The following MAN1A1 variants were observed in gnomAD, a reference collection of about 807,000 sequenced individuals.
MAN1A1 encodes mannosidase alpha class 1A member 1.
Under a neutral mutation model 70.8 loss-of-function variants are expected in MAN1A1, and 29 were observed. The observed-to-expected ratio is 0.41, with a 90% CI of 0.31 to 0.56. The LOEUF is 0.56. Ranked by LOEUF, MAN1A1 falls within the 20% of genes least tolerant of loss-of-function variation. The pLI is 0.29. For missense variants in MAN1A1, 747 were observed against 841.3 expected, an observed-to-expected ratio of 0.89 and a Z score of 1.39; for synonymous variants, 349 against 330.1, an observed-to-expected ratio of 1.06 and a Z score of -0.62.
intron 2 of MAN1A1, among the ~76,000 whole-genome samples, chr6:119,319,336 AT>A (rs1276636966): frequency 6.6e-6 from 1 of 150,648 alleles, no homozygotes; most frequent in Non-Finnish European, 1.5e-5. Flanking sequence ...ATAGAGCCTG[AT>A]TTTTTTTCTT....
At chr6:119,188,341 G>T in intron 11 of MAN1A1, 64 bp downstream of exon 11, 1 of 1,408,152 alleles carries the variant, frequency 7.1e-7, no homozygotes, top group Non-Finnish European at 9.7e-7. Flanking sequence ...CTGATTTATG[G>T]GTATCACTGA....
At chr6:119,194,321 T>C (rs1773512235) in intron 8 of MAN1A1, among the ~76,000 whole-genome samples, 1 of 152,168 alleles carries the variant, frequency 6.6e-6, no homozygotes. Context: ...AAGAAGCTCC[T>C]CAGGTTCTTG....
At chr6:119,199,662 T>G (rs1009545784) in intron 8 of MAN1A1, among the ~76,000 whole-genome samples, 1 of 152,066 alleles carries the variant, frequency 6.6e-6, no homozygotes, top group Non-Finnish European at 1.5e-5. Flanking sequence ...ATCCCAACAC[T>G]TTGGGAGGCC....
intron 5 of MAN1A1, among the ~76,000 whole-genome samples, chr6:119,259,062 A>G (rs568183787): frequency 1.3e-5 from 2 of 152,314 alleles, no homozygotes; most frequent in South Asian, 2.1e-4. Context: ...GGAATAATAG[A>G]AGGATACTAG....
chr6:119,194,789 C>T (rs2064157), intron 8 of MAN1A1, among the ~76,000 whole-genome samples: 107,978 of 151,442 alleles, frequency 0.71, 40,660 homozygotes, highest in Non-Finnish European at 0.83. Context: ...ATCCACTACA[C>T]GTATTATCAA....
At chr6:119,297,769 T>G (rs1352543065) in intron 4 of MAN1A1, among the ~76,000 whole-genome samples, 3 of 139,950 alleles carry the variant, frequency 2.1e-5, no homozygotes, top group Non-Finnish European at 3.0e-5. Context: ...AGATGGAGTC[T>G]CGCTCTGTCG....
intron 2 of MAN1A1, among the ~76,000 whole-genome samples, chr6:119,325,159 A>G (rs1318569315): frequency 1.3e-5 from 2 of 152,190 alleles, no homozygotes; most frequent in South Asian, 4.1e-4. Context: ...AACTCCACAA[A>G]GTTGGGCCTA....
chr6:119,335,784 A>G (rs1008110381), intron 2 of MAN1A1, among the ~76,000 whole-genome samples: 4 of 152,218 alleles, frequency 2.6e-5, no homozygotes, highest in Non-Finnish European at 4.4e-5. Context: ...CCTAAACGAC[A>G]TGTGTTCTGG....
intron 3 of MAN1A1, among the ~76,000 whole-genome samples, chr6:119,302,945 A>G (rs1466625464): frequency 6.6e-6 from 1 of 152,122 alleles, no homozygotes; most frequent in Non-Finnish European, 1.5e-5. Flanking sequence ...AATGACATGG[A>G]GACTTCCTGT....
Position 119,273,031 on chromosome 6 carries a change from T to G in MAN1A1, c.897+17652A>C, listed in dbSNP as rs77746284. Among the ~76,000 whole-genome samples the G allele has an allele frequency of 5.9e-3, 898 of 152,220 alleles. 31 individuals are homozygous for G. The East Asian group carries it at 0.09, about 15-fold the overall frequency. ...AGTCATTTTCTTTATGAAACAGATG[T>G]CAGAAAGGGAAAAAGGTGACTTTCA... On this transcript the variant is annotated intron_variant, in intron 5 of 12. Transcript: ENST00000368468.
At chr6:119,341,456 C>T (rs1018819608) in intron 2 of MAN1A1, among the ~76,000 whole-genome samples, 1 of 152,134 alleles carries the variant, frequency 6.6e-6, no homozygotes, top group African/African-American at 2.4e-5. Flanking sequence ...CTTCTCAACA[C>T]CTAAGAAGCA....
At chr6:119,258,109 C>T (rs1002155008) in intron 5 of MAN1A1, among the ~76,000 whole-genome samples, 2 of 152,114 alleles carry the variant, frequency 1.3e-5, no homozygotes, top group African/African-American at 4.8e-5. Context: ...TGATTTCTAA[C>T]TGAATTTATG....
intron 6 of MAN1A1, among the ~76,000 whole-genome samples, chr6:119,225,360 C>T (rs1774480543): frequency 6.6e-6 from 1 of 151,716 alleles, no homozygotes; most frequent in Admixed American, 6.6e-5. Context: ...TGCCATTGAA[C>T]TCTAGCCTGA....
In MAN1A1 at chr6:119,349,692, G is replaced by A. The variant is rs983171367; in HGVS notation, c.-373C>T. ...CCCGGCGCGGCTCAGGTGGGCGAGCGCGCCGACCTGCGGGCGAATGGCAGC... is the reference window on the plus strand; with the variant it reads ...CCCGGCGCGGCTCAGGTGGGCGAGCACGCCGACCTGCGGGCGAATGGCAGC... On this transcript the variant is annotated 5_prime_UTR_variant, in exon 1 of 13. Transcript: ENST00000368468. 2 of 985,870 alleles carry A rather than the reference G, an allele frequency of 2.0e-6. No homozygotes were observed. The highest frequency in any genetic ancestry group is 9.4e-5 in the South Asian group (2 of 21,294). 61.1% of individuals were successfully genotyped at this position (985,870 alleles called of 1,614,324 possible).
chr6:119,278,745 C>T (rs1028426532), intron 5 of MAN1A1, among the ~76,000 whole-genome samples: 4 of 152,004 alleles, frequency 2.6e-5, no homozygotes, highest in Non-Finnish European at 5.9e-5. Flanking sequence ...GTGGCGTTCC[C>T]TTGGTGATGA....
chr6:119,178,044 C>G lies in MAN1A1; in HGVS notation c.*1775G>C, dbSNP rs1380813694. On this transcript the variant is annotated 3_prime_UTR_variant, in exon 13 of 13. Transcript: ENST00000368468. ...GAAGATATGAGTGGGAGAAGTTATTCTGGATCACAGACACACATTAGCATG... is the reference window on the plus strand; with the variant it reads ...GAAGATATGAGTGGGAGAAGTTATTGTGGATCACAGACACACATTAGCATG... The G allele has an allele frequency of 6.6e-6, 1 of 152,020 alleles. No homozygotes were observed. The highest frequency in any genetic ancestry group is 2.4e-5 in the African/African-American group (1 of 41,432). 9.4% of individuals were successfully genotyped at this position (152,020 alleles called of 1,614,324 possible).
At chr6:119,261,182 T>C (rs1324264794) in intron 5 of MAN1A1, among the ~76,000 whole-genome samples, 1 of 152,014 alleles carries the variant, frequency 6.6e-6, no homozygotes, top group East Asian at 1.9e-4. Context: ...GGTTTCACCG[T>C]GTTGGCCAGG....
chr6:119,328,406 C>G (rs1773213699), intron 2 of MAN1A1, among the ~76,000 whole-genome samples: 1 of 152,216 alleles, frequency 6.6e-6, no homozygotes, highest in Admixed American at 6.5e-5. Flanking sequence ...AGATAAAGCT[C>G]AAATGCACTG....
chr6:119,344,918 G>C (rs1773686131), intron 2 of MAN1A1, among the ~76,000 whole-genome samples: 1 of 152,126 alleles, frequency 6.6e-6, no homozygotes, highest in Non-Finnish European at 1.5e-5. Context: ...GAAGAAAACT[G>C]TGACCCCACA....
Sources: gnomAD v4.1 joint callset for allele counts (sites outside exome capture counted in the v4.1 genomes callset) on GRCh38, gnomAD v4.1.1 for gene constraint, MANE v1.5 for transcripts, NCBI Gene and HGNC (gene_info 2026-07-23, HGNC 2026-07-21) for gene names.